ROBO2: variants seen among roughly 807,000 people sequenced by gnomAD.
ROBO2 encodes the protein roundabout guidance receptor 2, also known as roundabout homolog 2.
ROBO2 carries 53 observed loss-of-function variants against 160.8 expected under a neutral mutation model. The observed-to-expected ratio is 0.33, with a 90% confidence interval of 0.26 to 0.41. ROBO2 has a LOEUF of 0.41. Ranked by LOEUF, ROBO2 falls within the 10% of genes least tolerant of loss-of-function variation. The pLI is 1.00. For missense variants in ROBO2, 1,577 were observed against 1,722.4 expected, an observed-to-expected ratio of 0.92 and a Z score of 1.49; for synonymous variants, 664 against 611.7, an observed-to-expected ratio of 1.09 and a Z score of -1.26.
chr3:77,206,570 T>C (rs1296208281), intron 2 of ROBO2, among the ~76,000 whole-genome samples: 1 of 152,152 alleles, frequency 6.6e-6, no homozygotes, highest in Non-Finnish European at 1.5e-5. Context: ...ATACCGAACG[T>C]GGTCACATTT....
intron 2 of ROBO2, among the ~76,000 whole-genome samples, chr3:75,941,929 A>C (rs536891413): frequency 0.017 from 2,639 of 152,146 alleles, 72 homozygotes; most frequent in African/African-American, 0.057. Context: ...ATATCAGAGA[A>C]AACCTACTCA....
rs1399970092 is a variant in ROBO2, at chr3:77,292,582, A to T, written c.389-184832A>T. ...AAGTAAAATTGATGGTTAAATGGGT[A>T]AGCTGAGGCCAGATCACCCCAGACA... On this transcript the variant is annotated intron_variant, in intron 2 of 25. Coordinates refer to ENST00000461745, the Ensembl canonical transcript of ROBO2. 3.3e-5 allele frequency among the ~76,000 whole-genome samples: 5 copies of T among 151,648 alleles called. No homozygotes were observed. In the East Asian group the frequency reaches 9.7e-4, roughly 29 times the overall value.
chr3:77,269,009 T>C (rs974454155), intron 2 of ROBO2, among the ~76,000 whole-genome samples: 1 of 152,242 alleles, frequency 6.6e-6, no homozygotes, highest in African/African-American at 2.4e-5. Flanking sequence ...GTGTGTGATA[T>C]GTTTTATATA....
At chr3:77,295,838 G>A (rs2062024844) in intron 2 of ROBO2, among the ~76,000 whole-genome samples, 1 of 149,576 alleles carries the variant, frequency 6.7e-6, no homozygotes, top group African/African-American at 2.5e-5. Context: ...AAAATTGACG[G>A]GTAAACGGGT....
In ROBO2 at chr3:77,275,025, A is replaced by G. The variant is rs368369197; in HGVS notation, c.388+176685A>G. ...AAATAAATATCTGAATTACTAATAC[A>G]TCTCTTAGATTCATATTGCAGCTAG... On this transcript the variant is annotated intron_variant, in intron 2 of 25. Transcript: ENST00000461745. Among the ~76,000 whole-genome samples the G allele has an allele frequency of 1.6e-3, 251 of 152,278 alleles. 1 individual carries two copies. Among genetic ancestry groups the G allele is most frequent in the African/African-American group, 5.8e-3 (243 of 41,582 alleles).
Position 76,452,240 on chromosome 3 carries a change from A to C in ROBO2, c.109+514638A>C, listed in dbSNP as rs544627923. On this transcript the variant is annotated intron_variant, in intron 2 of 26. Coordinates refer to the ROBO2 transcript ENST00000487694. Reference sequence around the variant, plus strand: ...TGTGCACAATGTGTAGGTTACTTACATATGTATACATGTGCCATGCTGGTG... The same window carrying C: ...TGTGCACAATGTGTAGGTTACTTACCTATGTATACATGTGCCATGCTGGTG... 2.6e-5 allele frequency among the ~76,000 whole-genome samples: 4 copies of C among 152,046 alleles called. No homozygotes were observed. The East Asian group carries it at 7.8e-4, about 30-fold the overall frequency.
At chr3:76,888,387 AG>A (rs1424247255) in intron 2 of ROBO2, among the ~76,000 whole-genome samples, 374 of 152,274 alleles carry the variant, frequency 2.5e-3, no homozygotes, top group African/African-American at 8.6e-3. Context: ...AACAAACAAA[AG>A]AGAATCTAGT....
At chr3:76,741,992 TC>T (rs1390570221) in intron 2 of ROBO2, among the ~76,000 whole-genome samples, 4 of 152,070 alleles carry the variant, frequency 2.6e-5, no homozygotes, top group Non-Finnish European at 4.4e-5. Context: ...TTTGACATCA[TC>T]CCACATAAGT....
intron 2 of ROBO2, among the ~76,000 whole-genome samples, chr3:76,041,087 A>T (rs530097875): frequency 6.6e-6 from 1 of 152,192 alleles, no homozygotes; most frequent in African/African-American, 2.4e-5. Flanking sequence ...AATGCCAAAC[A>T]ATCTTTACTA....
At chr3:76,551,030 A>G (rs1007048374) in intron 2 of ROBO2, among the ~76,000 whole-genome samples, 2 of 151,672 alleles carry the variant, frequency 1.3e-5, no homozygotes, top group African/African-American at 4.9e-5. Context: ...AGGGACAGCT[A>G]GGAGTCTCGG....
At chr3:77,483,764 T>C (rs1377080674) in intron 4 of ROBO2, among the ~76,000 whole-genome samples, 1 of 147,910 alleles carries the variant, frequency 6.8e-6, no homozygotes, top group African/African-American at 2.4e-5. Context: ...CCTATTATTA[T>C]TATAAATATA....
chr3:76,911,840 G>A (rs1285596609), intron 2 of ROBO2, among the ~76,000 whole-genome samples: 1 of 152,126 alleles, frequency 6.6e-6, no homozygotes, highest in African/African-American at 2.4e-5. Flanking sequence ...GGTGGCGCAT[G>A]CCTGTAATCC....
At chr3:76,068,590 T>A (rs1290148357) in intron 2 of ROBO2, among the ~76,000 whole-genome samples, 1 of 152,182 alleles carries the variant, frequency 6.6e-6, no homozygotes, top group Non-Finnish European at 1.5e-5. Flanking sequence ...TGCTAATTAA[T>A]CATATTCTTC....
intron 11 of ROBO2, 122 bp downstream of exon 12, chr3:77,563,451 A>C (rs866519230): frequency 1.0e-6 from 1 of 967,698 alleles, no homozygotes; most frequent in Non-Finnish European, 1.6e-6. Context: ...TTAAGAATTG[A>C]TCTCTTCTCT....
intron 2 of ROBO2, among the ~76,000 whole-genome samples, chr3:76,920,200 A>G (rs563906357): frequency 6.6e-6 from 1 of 152,256 alleles, no homozygotes; most frequent in Non-Finnish European, 1.5e-5. Context: ...GAGAAAACCA[A>G]CTTAACCTAA....
intron 2 of ROBO2, among the ~76,000 whole-genome samples, chr3:75,947,938 G>A (rs1340331128): frequency 6.6e-6 from 1 of 152,076 alleles, no homozygotes. Flanking sequence ...TTTAGATAAA[G>A]AGGAAGTCCT....
At chr3:77,204,714 G>A (rs1012618337) in intron 2 of ROBO2, among the ~76,000 whole-genome samples, 1 of 152,136 alleles carries the variant, frequency 6.6e-6, no homozygotes, top group Non-Finnish European at 1.5e-5. Flanking sequence ...TTATAATTTA[G>A]TGTTTTCTCT....
chr3:76,695,904 A>T (rs933522752), intron 2 of ROBO2, among the ~76,000 whole-genome samples: 1 of 152,174 alleles, frequency 6.6e-6, no homozygotes, highest in Non-Finnish European at 1.5e-5. Context: ...GCAGTAGTGC[A>T]CATTTGATTT....
intron 2 of ROBO2, among the ~76,000 whole-genome samples, chr3:76,033,481 C>T (rs1236255591): frequency 6.6e-6 from 1 of 152,138 alleles, no homozygotes; most frequent in Non-Finnish European, 1.5e-5. Context: ...ACATGCTGTG[C>T]CATTTTTGTA....
Sources: gnomAD v4.1 joint callset for allele counts (sites outside exome capture counted in the v4.1 genomes callset) on GRCh38, gnomAD v4.1.1 for gene constraint, MANE v1.5 for transcripts, NCBI Gene and HGNC (gene_info 2026-07-23, HGNC 2026-07-21) for gene names.